Variants in DSP observed in about 807,000 individuals in gnomAD.
The protein encoded by DSP is 250/210 kDa paraneoplastic pemphigus antigen.
In DSP, 114 loss-of-function variants were observed where a neutral mutation model predicts 290.6. The ratio of observed to expected loss-of-function variants is 0.39; its 90% CI spans 0.34 to 0.46. DSP has a LOEUF of 0.46. Among genes scored for constraint, DSP ranks in the 20% least tolerant of loss-of-function variants. The probability of loss-of-function intolerance (pLI) is 0.99; values close to 1 mark genes in which losing one functional copy is unlikely to be tolerated. For synonymous variants in DSP, 1,311 were observed against 1,316.4 expected, an observed-to-expected ratio of 1.00 and a Z score of 0.09; for missense variants, 3,230 against 3,495.8, an observed-to-expected ratio of 0.92 and a Z score of 1.92.
Position 7,563,766 on chromosome 6 carries a change from G to C in DSP, c.757G>C (p.Glu253Gln). The change falls in exon 6 of 24, where the codon GAG becomes CAG. Residue 253 changes from glutamate (E) to glutamine (Q), a missense_variant. Glu to Gln is a conservative substitution (Grantham distance 29). This residue lies in a region of DSP where 646 missense variants were observed against 684.3 expected (regional missense o/e 0.94). Coordinates refer to ENST00000379802, the MANE Select transcript of DSP (RefSeq NM_004415.4). ...GAAATCTGCGATCTACCAGTTGGAG[G>C]AGGAGTATGAAAACCTGCTGGTAAG... is the stretch of plus-strand genomic sequence containing the variant. ...REKSAIYQLE[E>Q]EYENLLKASF... The C allele has an allele frequency of 6.2e-7, 1 of 1,613,848 alleles. No individual in the cohort carries two copies. Among genetic ancestry groups the C allele is most frequent in the Non-Finnish European group, 8.5e-7 (1 of 1,179,726 alleles).
intron 11 of DSP, 47 bp downstream of exon 11, chr6:7,568,636 C>G: frequency 6.2e-7 from 1 of 1,607,100 alleles, no homozygotes. Flanking sequence ...TGTCTTTACA[C>G]ACAAATTTTT....
At chr6:7,545,442 C>T (rs1447525730) in intron 1 of DSP, among the ~76,000 whole-genome samples, 2 of 152,204 alleles carry the variant, frequency 1.3e-5, no homozygotes, top group African/African-American at 2.4e-5. Flanking sequence ...CCCAAGGATC[C>T]TCACCTTGGT....
chr6:7,571,246 C>A, intron 13 of DSP, 137 bp from the exon 14 acceptor site: 1 of 849,032 alleles, frequency 1.2e-6, no homozygotes, highest in South Asian at 1.4e-5. Flanking sequence ...ACCTAAAAGA[C>A]CTTTTATATC....
rs546806337 is a variant in DSP at position 7,555,195 on chromosome 6, T to G, written c.171-523T>G. 9.1e-3 allele frequency among the ~76,000 whole-genome samples: 1,389 copies of G among 152,340 alleles called. 6 individuals carry two copies. Among genetic ancestry groups the G allele is most frequent in the Non-Finnish European group, 0.016 (1,107 of 68,032 alleles). ...AACTCAGAGAGATATATTTCTGGAT[T>G]GGATCCTGGACCTGGGAGGGGAAAA... On this transcript the variant is annotated intron_variant, in intron 1 of 23. Transcript: ENST00000379802.
At chr6:7,560,034 A>T (rs189298682) in intron 4 of DSP, among the ~76,000 whole-genome samples, 1 of 152,180 alleles carries the variant, frequency 6.6e-6, no homozygotes, top group Non-Finnish European at 1.5e-5. Flanking sequence ...ATTTTTCAAG[A>T]CTAATGATTG....
chr6:7,568,544 T>G lies in DSP; in HGVS notation c.1374T>G (p.Asn458Lys). 6.2e-7 allele frequency: 1 copy of G among 1,614,088 alleles called. No individual in the cohort carries two copies. The highest frequency in any genetic ancestry group is 8.5e-7 in the Non-Finnish European group (1 of 1,180,028). ...CTCGTAACCCAGACTACAGAAGCAA[T>G]AAACCCATTATTCTCAGAGCTCTCT... ...LKPRNPDYRS[N>K]KPIILRALCD... The change falls in exon 11 of 24, where the codon AAT becomes AAG. Residue 458 changes from asparagine to lysine, a missense_variant. This residue lies in a region of DSP where 646 missense variants were observed against 684.3 expected (regional missense o/e 0.94). Coordinates refer to ENST00000379802, the MANE Select transcript of DSP (RefSeq NM_004415.4).
chr6:7,559,367 C>T lies in DSP; in HGVS notation c.564C>T (p.Thr188=), dbSNP rs2113659978. 1 of 1,613,122 alleles carries T rather than the reference C, an allele frequency of 6.2e-7. No homozygotes were observed. The highest frequency in any genetic ancestry group is 1.1e-5 in the South Asian group (1 of 91,032). ...SGWDEFTKHV[T]SECLGWMRQQ... is the part of the protein sequence containing the mutation. Reference sequence around the variant, plus strand: ...GGGATGAGTTCACCAAACATGTCACCAGTGAATGTTTGGGGTGGATGAGGC... The same window carrying T: ...GGGATGAGTTCACCAAACATGTCACTAGTGAATGTTTGGGGTGGATGAGGC... The change falls in exon 4 of 24, where the codon ACC becomes ACT. Residue 188 remains threonine (T), a synonymous_variant. Transcript: ENST00000379802.
Position 7,555,758 on chromosome 6 carries a change from A to G in DSP, c.211A>G (p.Ile71Val). 6.2e-7 allele frequency: 1 copy of G among 1,614,266 alleles called. No individual in the cohort carries two copies. The highest frequency in any genetic ancestry group is 8.5e-7 in the Non-Finnish European group (1 of 1,180,054). Residue 71 changes from isoleucine (I) to valine (V), a missense_variant, in exon 2 of 24, where the codon ATC becomes GTC. This residue lies in a region of DSP where 646 missense variants were observed against 684.3 expected (regional missense o/e 0.94). Transcript: ENST00000379802. ...GTCCAGGCACCAGAACCAGAACACC[A>G]TCCAGGAGCTGCTGCAGAACTGCTC... ...TMSRHQNQNT[I>V]QELLQNCSDC...
chr6:7,567,374 G>A lies in DSP; in HGVS notation c.1065G>A (p.Gln355=), dbSNP rs750289780. The A allele has an allele frequency of 2.5e-6, 4 of 1,613,974 alleles. No homozygotes were observed. The highest frequency in any genetic ancestry group is 3.4e-6 in the Non-Finnish European group (4 of 1,180,036). ...TTCAGGCCTATATGGACACTCTGCA[G>A]ACGCAGTGGAGTTGGATTCTTCAGA... is the stretch of plus-strand genomic sequence containing the variant. ...DKIEAYMDTL[Q]TQWSWILQIT... is the part of the protein sequence containing the mutation. The change falls in exon 9 of 24, where the codon CAG becomes CAA. Residue 355 remains glutamine, a synonymous_variant. Transcript: ENST00000379802.
chr6:7,571,685 T>C, intron 14 of DSP, 101 bp downstream of exon 14: 1 of 1,519,620 alleles, frequency 6.6e-7, no homozygotes, highest in Non-Finnish European at 9.1e-7. Context: ...CTCTGAATGC[T>C]ATATAGCCAG....
At chr6:7,557,887 A>G (rs1758548543) in intron 2 of DSP, among the ~76,000 whole-genome samples, 1 of 152,224 alleles carries the variant, frequency 6.6e-6, no homozygotes, top group Non-Finnish European at 1.5e-5. Context: ...GAAGGTTAGC[A>G]TTCAGCAAAT....
In DSP at chr6:7,585,904, C is replaced by T. The variant is rs957652496; in HGVS notation, c.*26C>T. The T allele has an allele frequency of 1.9e-6, 3 of 1,601,350 alleles. No homozygotes were observed. The highest frequency in any genetic ancestry group is 1.7e-6 in the Non-Finnish European group (2 of 1,170,128). On this transcript the variant is annotated 3_prime_UTR_variant, in exon 24 of 24. Transcript: ENST00000379802. ...TAGTCAGTTGGGAGTGGTTGCTATA[C>T]CTTGACTTCATTTATATGAATTTCC...
In DSP at chr6:7,581,071, G is replaced by A. The variant is rs746035936; in HGVS notation, c.4881G>A (p.Lys1627=). The A allele has an allele frequency of 1.9e-6, 3 of 1,613,960 alleles. No individual in the cohort carries two copies. Among genetic ancestry groups the A allele is most frequent in the Non-Finnish European group, 2.5e-6 (3 of 1,180,030 alleles). Residue 1627 remains lysine (K), a synonymous_variant, in exon 23 of 24, where the codon AAG becomes AAA. Coordinates refer to ENST00000379802, the MANE Select transcript of DSP (RefSeq NM_004415.4). Reference sequence around the variant, plus strand: ...TGGAGCAGGCATCCATTGTTAAGAAGAGGAGTGAGGATGACCTCCGGCAGC... The same window carrying A: ...TGGAGCAGGCATCCATTGTTAAGAAAAGGAGTGAGGATGACCTCCGGCAGC... The part of the protein sequence containing the change: ...QQLEQASIVK[K]RSEDDLRQQR...
chr6:7,543,393 C>CTTTTTTTT (rs397886749), intron 1 of DSP, among the ~76,000 whole-genome samples: 6 of 80,030 alleles, frequency 7.5e-5, no homozygotes, highest in Middle Eastern at 7.7e-3. Context: ...TCTATTTTCG[C>CTTTTTTTT]TTTTTTTTTT....
rs1758840308 is a variant in DSP, at chr6:7,565,651, C to T, written c.939+131C>T. 1.0e-5 allele frequency: 13 copies of T among 1,271,762 alleles called. No individual in the cohort carries two copies. Among genetic ancestry groups the T allele is most frequent in the African/African-American group, 1.5e-5 (1 of 67,334 alleles). The allele number at this position is 1,271,762 out of a possible 1,614,324, so 78.8% of individuals were successfully genotyped here. A position where few individuals can be genotyped will look rare whatever the true frequency, so the allele number is the denominator to read the frequency against. ...GCAATTCAGCCTTCTTTGAAATGGT[C>T]GTGAAAAATCCTTCCTTCCTGAAAA... On this transcript the variant is annotated intron_variant, in intron 7 of 23. Coordinates refer to ENST00000379802, the MANE Select transcript of DSP (RefSeq NM_004415.4). The surrounding 1 kb of genome is among the most constrained non-coding windows in gnomAD (Gnocchi z 4.2).
At chr6:7,546,981 G>GT (rs1349056308) in intron 1 of DSP, among the ~76,000 whole-genome samples, 5 of 152,166 alleles carry the variant, frequency 3.3e-5, no homozygotes, top group African/African-American at 1.2e-4. Flanking sequence ...ACTTCTTAGG[G>GT]TGGAGCAAAG....
At chr6:7,551,422 T>C (rs920294891) in intron 1 of DSP, among the ~76,000 whole-genome samples, 1 of 151,950 alleles carries the variant, frequency 6.6e-6, no homozygotes, top group South Asian at 2.1e-4. Flanking sequence ...AGGTCAGGAG[T>C]TTGAGACCAG....
chr6:7,586,684 T>TA lies in DSP; in HGVS notation c.*812dup, dbSNP rs1759685933. 6.6e-6 allele frequency: 1 copy of TA among 152,224 alleles called. No homozygotes were observed. The highest frequency in any genetic ancestry group is 1.5e-5 in the Non-Finnish European group (1 of 68,032). The allele number at this position is 152,224 out of a possible 1,614,324, so 9.4% of individuals were successfully genotyped here. ...CTAAATACCTGTGAAGAAATACCAT[T>TA]AAAAAACTATTTGGTTCTGAATTCT... On this transcript the variant is annotated 3_prime_UTR_variant, in exon 24 of 24. Coordinates refer to ENST00000379802, the MANE Select transcript of DSP (RefSeq NM_004415.4).
At chr6:7,568,683 T>A in intron 11 of DSP, 94 bp downstream of exon 11, 1 of 1,334,312 alleles carries the variant, frequency 7.5e-7, no homozygotes, top group Non-Finnish European at 1.1e-6. Context: ...TAGAGTTCAA[T>A]AATCACCACA....
Sources: gnomAD v4.1 joint callset for allele counts (sites outside exome capture counted in the v4.1 genomes callset) on GRCh38, gnomAD v4.1.1 for gene constraint, gnomAD v4.1.1 regional missense constraint, Gnocchi (gnomAD v3.1) non-coding constraint, MANE v1.5 for transcripts, NCBI Gene and HGNC (gene_info 2026-07-23, HGNC 2026-07-21) for gene names.